Variants in ARHGAP21 observed in about 807,000 individuals in gnomAD.
The protein encoded by ARHGAP21 is Rho GTPase activating protein 21.
In ARHGAP21, 38 loss-of-function variants were observed where a neutral mutation model predicts 164.6. That is an observed-to-expected ratio of 0.23 (90% CI 0.18 to 0.30). The LOEUF is 0.30. Among genes scored for constraint, ARHGAP21 ranks in the 10% least tolerant of loss-of-function variants. The pLI, the probability that ARHGAP21 is intolerant of heterozygous loss-of-function variation, is 1.00. For missense variants in ARHGAP21, 1,822 were observed against 2,370.7 expected (o/e 0.77, Z 4.81); for synonymous variants, 766 against 857.9 (o/e 0.89, Z 1.87).
chr10:24,711,467 C>T (rs1011295339), intron 2 of ARHGAP21, among the ~76,000 whole-genome samples: 2 of 152,154 alleles, frequency 1.3e-5, no homozygotes, highest in South Asian at 2.1e-4. Flanking sequence ...CACGTCAGAA[C>T]ATCTTCATCT....
At chr10:24,697,701 A>C (rs1037896692) in intron 2 of ARHGAP21, among the ~76,000 whole-genome samples, 2 of 152,042 alleles carry the variant, frequency 1.3e-5, no homozygotes, top group Admixed American at 1.3e-4. Flanking sequence ...TACTGAAAAA[A>C]TACAAAAAAT....
intron 5 of ARHGAP21, among the ~76,000 whole-genome samples, chr10:24,633,836 T>C (rs1836078242): frequency 6.6e-6 from 1 of 151,280 alleles, no homozygotes; most frequent in Non-Finnish European, 1.5e-5. Flanking sequence ...AGTTGTTTCC[T>C]GAGTTGCAGA....
At chr10:24,690,068 C>A (rs748443406) in intron 2 of ARHGAP21, among the ~76,000 whole-genome samples, 1 of 151,596 alleles carries the variant, frequency 6.6e-6, no homozygotes. Context: ...ATTACATATA[C>A]CTACATCATT....
intron 2 of ARHGAP21, among the ~76,000 whole-genome samples, chr10:24,701,244 G>A (rs1843644813): frequency 6.6e-6 from 1 of 152,158 alleles, no homozygotes; most frequent in African/African-American, 2.4e-5. Flanking sequence ...CCCAGGGAGA[G>A]AGGGAACTTC....
chr10:24,603,172 C>A (rs1564987616), intron 12 of ARHGAP21, among the ~76,000 whole-genome samples: 1 of 152,068 alleles, frequency 6.6e-6, no homozygotes, highest in Non-Finnish European at 1.5e-5. Flanking sequence ...TCTAGGCATT[C>A]CAACATTTAA....
At chr10:24,671,078 A>G (rs939472098) in intron 2 of ARHGAP21, among the ~76,000 whole-genome samples, 6 of 151,974 alleles carry the variant, frequency 3.9e-5, no homozygotes, top group Admixed American at 3.9e-4. Context: ...TTCAATCTGG[A>G]GCTGACTCTA....
At chr10:24,699,336 A>AT (rs1014271877) in intron 2 of ARHGAP21, among the ~76,000 whole-genome samples, 26 of 151,740 alleles carry the variant, frequency 1.7e-4, no homozygotes, top group African/African-American at 5.8e-4. Flanking sequence ...TATTATTATT[A>AT]TTTTTTTGAG....
intron 13 of ARHGAP21, among the ~76,000 whole-genome samples, chr10:24,601,731 C>T (rs2076821836): frequency 6.6e-6 from 1 of 152,084 alleles, no homozygotes; most frequent in Non-Finnish European, 1.5e-5. Flanking sequence ...TTCCTTTTTA[C>T]ATTGCCAAAA....
chr10:24,676,575 G>A (rs999864918), intron 2 of ARHGAP21, among the ~76,000 whole-genome samples: 5 of 152,136 alleles, frequency 3.3e-5, no homozygotes, highest in Non-Finnish European at 5.9e-5. Context: ...AAAATTACCC[G>A]TACAATGTTC....
At chr10:24,617,770 G>A (rs892928172) in intron 9 of ARHGAP21, among the ~76,000 whole-genome samples, 1 of 152,078 alleles carries the variant, frequency 6.6e-6, no homozygotes, top group Non-Finnish European at 1.5e-5. Context: ...GTCCTCAACA[G>A]CTTTAAAAAT....
In ARHGAP21 at chr10:24,602,114, G is replaced by A; in HGVS notation, c.2722-11C>T. ...TTGGCTGTCTGCGATCTATAGAAAA[G>A]ACCAAGAAAACAGTAAAATGTCAGC... On this transcript the variant is annotated splice_polypyrimidine_tract_variant and intron_variant, in intron 12 of 25. Transcript: ENST00000396432. 1 of 1,609,944 alleles carries A rather than the reference G, an allele frequency of 6.2e-7. No homozygotes were observed. Among genetic ancestry groups the A allele is most frequent in the Non-Finnish European group, 8.5e-7 (1 of 1,178,850 alleles).
In ARHGAP21 at chr10:24,718,071, T is replaced by C. The variant is rs529980791; in HGVS notation, c.63+3766A>G. On this transcript the variant is annotated intron_variant, in intron 2 of 25. Coordinates refer to ENST00000396432, the MANE Select transcript of ARHGAP21 (RefSeq NM_020824.4). ...TCCGTAGGGAATCTGTTTCTGTGGTTCATCAGTGAGATGCAGCTGACCTGA... is the reference window on the plus strand; with the variant it reads ...TCCGTAGGGAATCTGTTTCTGTGGTCCATCAGTGAGATGCAGCTGACCTGA... Among the ~76,000 whole-genome samples the C allele has an allele frequency of 7.2e-5, 11 of 152,300 alleles. No homozygotes were observed. The South Asian group carries it at 2.1e-3, about 29-fold the overall frequency.
intron 14 of ARHGAP21, among the ~76,000 whole-genome samples, chr10:24,599,860 G>A (rs557150804): frequency 3.9e-5 from 6 of 152,236 alleles, no homozygotes; most frequent in South Asian, 4.1e-4. Context: ...TGGGCCGGGC[G>A]CGGTGGCTCA....
intron 6 of ARHGAP21, among the ~76,000 whole-genome samples, chr10:24,631,262 G>C (rs1164113555): frequency 1.3e-5 from 2 of 152,192 alleles, no homozygotes; most frequent in African/African-American, 4.8e-5. Context: ...TTCTCAGGAG[G>C]CTGAGGCAGG....
chr10:24,668,520 G>C (rs1388459474), intron 3 of ARHGAP21, among the ~76,000 whole-genome samples: 1 of 152,192 alleles, frequency 6.6e-6, no homozygotes. Flanking sequence ...TGCATGAGCT[G>C]CCGGGATAGG....
intron 4 of ARHGAP21, among the ~76,000 whole-genome samples, chr10:24,640,463 C>A (rs1836888755): frequency 6.6e-6 from 1 of 151,812 alleles, no homozygotes; most frequent in Non-Finnish European, 1.5e-5. Context: ...CCATTGGTTT[C>A]TTTGTTGCCA....
chr10:24,676,103 G>A (rs549468245), intron 2 of ARHGAP21, among the ~76,000 whole-genome samples: 2 of 152,222 alleles, frequency 1.3e-5, no homozygotes, highest in East Asian at 1.9e-4. Context: ...AGCTGAGGGC[G>A]CCACGGCACT....
At chr10:24,706,829 G>A (rs376481072) in intron 2 of ARHGAP21, among the ~76,000 whole-genome samples, 5 of 152,262 alleles carry the variant, frequency 3.3e-5, no homozygotes, top group African/African-American at 1.2e-4. Context: ...TTCTTACTGA[G>A]TATTTAACAT....
intron 9 of ARHGAP21, 145 bp downstream of exon 9, chr10:24,619,328 G>A (rs976514934): frequency 1.2e-6 from 1 of 808,192 alleles, no homozygotes; most frequent in Admixed American, 3.2e-5. Context: ...GAAAGCTCTG[G>A]TTGAAGCACA....
Sources: gnomAD v4.1 joint callset for allele counts (sites outside exome capture counted in the v4.1 genomes callset) on GRCh38, gnomAD v4.1.1 for gene constraint, MANE v1.5 for transcripts, NCBI Gene and HGNC (gene_info 2026-07-23, HGNC 2026-07-21) for gene names.